Variants in ATRNL1 observed in about 807,000 individuals in gnomAD.
ATRNL1 encodes the protein attractin-like protein 1.
ATRNL1 carries 95 observed loss-of-function variants against 182.7 expected under a neutral mutation model. That is an observed-to-expected ratio of 0.52 (90% CI 0.44 to 0.62). The LOEUF is 0.62. Ranked by LOEUF, ATRNL1 falls within the 20% of genes least tolerant of loss-of-function variation. ATRNL1 has a pLI of 0.00. For missense variants in ATRNL1, 1,471 were observed against 1,679.5 expected, an observed-to-expected ratio of 0.88 and a Z score of 2.17; for synonymous variants, 576 against 568.3, an observed-to-expected ratio of 1.01 and a Z score of -0.19.
chr10:115,244,076 A>G (rs1357090344), intron 10 of ATRNL1, among the ~76,000 whole-genome samples: 4 of 152,134 alleles, frequency 2.6e-5, no homozygotes, highest in African/African-American at 9.6e-5. Context: ...AATAGATATA[A>G]GCATTATATA....
At chr10:115,331,680 G>A (rs193269455) in intron 18 of ATRNL1, among the ~76,000 whole-genome samples, 38 of 151,188 alleles carry the variant, frequency 2.5e-4, no homozygotes, top group African/African-American at 8.5e-4. Context: ...TTTTTTTCCA[G>A]TCTTTGCAGT....
chr10:115,557,021 A>G (rs1293932455), intron 26 of ATRNL1, among the ~76,000 whole-genome samples: 1 of 151,990 alleles, frequency 6.6e-6, no homozygotes, highest in Non-Finnish European at 1.5e-5. Context: ...AATATGCACT[A>G]TTGGCCTAGA....
At chr10:115,336,409 C>G (rs1554936699) in intron 19 of ATRNL1, among the ~76,000 whole-genome samples, 1 of 152,000 alleles carries the variant, frequency 6.6e-6, no homozygotes. Flanking sequence ...CTAAAAAGAC[C>G]AAGGTTTTCA....
chr10:115,671,519 T>A (rs1555041406), intron 26 of ATRNL1, among the ~76,000 whole-genome samples: 2 of 152,142 alleles, frequency 1.3e-5, no homozygotes, highest in Non-Finnish European at 2.9e-5. Context: ...GTCTTTGAGA[T>A]TCTTCAACTA....
chr10:115,346,616 A>T (rs2134109866), intron 19 of ATRNL1, among the ~76,000 whole-genome samples: 1 of 152,328 alleles, frequency 6.6e-6, no homozygotes, highest in South Asian at 2.1e-4. Flanking sequence ...GCTGCTAAGA[A>T]TATAGCTTAC....
chr10:115,308,147 A>C (rs1401465274), intron 17 of ATRNL1, among the ~76,000 whole-genome samples: 1 of 152,156 alleles, frequency 6.6e-6, no homozygotes, highest in Non-Finnish European at 1.5e-5. Flanking sequence ...AGTATTTTTC[A>C]GTCATAATAT....
rs529656484 is a variant in ATRNL1 at position 115,128,598 on chromosome 10, G to A, written c.621-729G>A. 1.0e-3 allele frequency: 178 copies of A among 178,828 alleles called. 1 individual carries two copies. Among genetic ancestry groups the A allele is most frequent in the Admixed American group, 4.2e-3 (65 of 15,302 alleles). 11.1% of individuals were successfully genotyped at this position (178,828 alleles called of 1,614,324 possible). ...TCCCAGCACTTTGGGAGGCCGAGGCGGGCAGATCACGAGGTCAGGAGATCA... is the reference window on the plus strand; with the variant it reads ...TCCCAGCACTTTGGGAGGCCGAGGCAGGCAGATCACGAGGTCAGGAGATCA... On this transcript the variant is annotated intron_variant, in intron 4 of 28. Transcript: ENST00000355044.
At chr10:115,153,227 C>T (rs1554881148) in intron 5 of ATRNL1, among the ~76,000 whole-genome samples, 2 of 152,110 alleles carry the variant, frequency 1.3e-5, no homozygotes, top group African/African-American at 2.4e-5. Flanking sequence ...TGATGCTGGC[C>T]TCATAAAATG....
At chr10:115,620,635 G>C (rs1857680199) in intron 26 of ATRNL1, among the ~76,000 whole-genome samples, 1 of 152,094 alleles carries the variant, frequency 6.6e-6, no homozygotes, top group Non-Finnish European at 1.5e-5. Flanking sequence ...TGAACTAAAA[G>C]GCATTTGGAT....
chr10:115,442,995 G>A (rs546054455), intron 21 of ATRNL1, among the ~76,000 whole-genome samples: 1 of 151,954 alleles, frequency 6.6e-6, no homozygotes. Context: ...TTGTAGTTTT[G>A]TAAATTAAAT....
chr10:115,830,259 C>G (rs1950530229), intron 27 of ATRNL1, among the ~76,000 whole-genome samples: 1 of 152,188 alleles, frequency 6.6e-6, no homozygotes, highest in African/African-American at 2.4e-5. Flanking sequence ...AAAAAAATTA[C>G]AACCAGAATA....
At chr10:115,446,505 A>AT (rs1248228818) in intron 21 of ATRNL1, among the ~76,000 whole-genome samples, 4 of 131,540 alleles carry the variant, frequency 3.0e-5, no homozygotes, top group African/African-American at 1.3e-4. Flanking sequence ...CCCCATGGGT[A>AT]TTTTAAATAG....
chr10:115,880,690 G>C (rs988894853), intron 28 of ATRNL1, among the ~76,000 whole-genome samples: 1 of 152,182 alleles, frequency 6.6e-6, no homozygotes, highest in Admixed American at 6.5e-5. Context: ...GAATTTGATG[G>C]ATGTTGTAGA....
intron 27 of ATRNL1, among the ~76,000 whole-genome samples, chr10:115,738,125 G>GTTTTTTTTTT (rs1565334914): frequency 2.1e-4 from 11 of 53,190 alleles, no homozygotes; most frequent in East Asian, 1.0e-3. Flanking sequence ...AGAAGATAAT[G>GTTTTTTTTTT]ATTTTTTTTT....
intron 28 of ATRNL1, among the ~76,000 whole-genome samples, chr10:115,935,082 C>T (rs187707889): frequency 2.4e-3 from 363 of 152,278 alleles, no homozygotes; most frequent in African/African-American, 8.0e-3. Flanking sequence ...GATCACGCCT[C>T]TATCTTTCTT....
intron 15 of ATRNL1, among the ~76,000 whole-genome samples, chr10:115,292,754 G>A (rs1031255539): frequency 6.6e-6 from 1 of 152,040 alleles, no homozygotes; most frequent in Non-Finnish European, 1.5e-5. Context: ...TTAAAAATTT[G>A]TTGATATTTG....
At chr10:115,778,374 T>G (rs1555078466) in intron 27 of ATRNL1, among the ~76,000 whole-genome samples, 1 of 151,934 alleles carries the variant, frequency 6.6e-6, no homozygotes, top group African/African-American at 2.4e-5. Context: ...CAAATGCCAT[T>G]TAAAAAGACC....
chr10:115,504,784 A>C (rs534129010), intron 24 of ATRNL1, among the ~76,000 whole-genome samples: 2 of 152,184 alleles, frequency 1.3e-5, no homozygotes, highest in South Asian at 4.1e-4. Flanking sequence ...TATTTGATTT[A>C]AGCACTTTTA....
At chr10:115,139,887 A>G (rs1554877646) in intron 5 of ATRNL1, among the ~76,000 whole-genome samples, 1 of 152,200 alleles carries the variant, frequency 6.6e-6, no homozygotes. Flanking sequence ...TCTCTGAATA[A>G]TACAAAAGGA....
Sources: allele counts gnomAD v4.1 joint callset (sites outside exome capture counted in the v4.1 genomes callset), GRCh38; gene constraint gnomAD v4.1.1; transcripts MANE v1.5; gene names NCBI Gene and HGNC (gene_info 2026-07-23, HGNC 2026-07-21).